The following ATP2C2 variants were observed in gnomAD, a reference collection of about 807,000 sequenced individuals.
The protein encoded by ATP2C2 is calcium-transporting ATPase type 2C member 2.
ATP2C2 carries 171 observed loss-of-function variants against 110.8 expected under a neutral mutation model. The observed-to-expected ratio is 1.54, with a 90% CI of 1.36 to 1.75. The LOEUF (loss-of-function observed/expected upper bound fraction) is 1.75. Ranked by LOEUF, ATP2C2 falls within the 40% of genes most tolerant of loss-of-function variation. The pLI is 0.00. For missense variants in ATP2C2, 1,963 were observed against 1,235.0 expected, an observed-to-expected ratio of 1.59 and a Z score of -8.84; for synonymous variants, 804 against 508.4, an observed-to-expected ratio of 1.58 and a Z score of -7.82.
At chr16:84,446,508 C>G (rs1270408066) in intron 16 of ATP2C2, 78 bp downstream of exon 16, 21 of 1,034,678 alleles carry the variant, frequency 2.0e-5, no homozygotes, top group Non-Finnish European at 2.7e-5. Flanking sequence ...ATGCAGACTT[C>G]AAGGATAATT....
At chr16:84,397,655 C>CAAAGAAAAAAAAAAAAAAAAAAAAAA (rs1905070511) in intron 1 of ATP2C2, among the ~76,000 whole-genome samples, 1 of 63,512 alleles carries the variant, frequency 1.6e-5, no homozygotes, top group Non-Finnish European at 3.5e-5. Flanking sequence ...GCCTGGGTGA[C>CAAAGAAAAAAAAAAAAAAAAAAAAAA]AAAAAAAAAA....
chr16:84,425,270 C>T (rs564633340), intron 10 of ATP2C2, among the ~76,000 whole-genome samples: 18 of 152,174 alleles, frequency 1.2e-4, no homozygotes, highest in Admixed American at 4.6e-4. Flanking sequence ...GTGTGCAGTA[C>T]GTATTTGGTA....
chr16:84,383,787 G>GTT (rs58587781), intron 1 of ATP2C2, among the ~76,000 whole-genome samples: 1,878 of 100,794 alleles, frequency 0.019, 44 homozygotes, highest in Non-Finnish European at 0.022. Context: ...GGTTTTGTTG[G>GTT]TTTTTTTTTT....
Position 84,448,709 on chromosome 16 carries a change from G to C in ATP2C2, c.1660+20G>C. 2 of 1,599,318 alleles carry C rather than the reference G, an allele frequency of 1.3e-6. No homozygotes were observed. The highest frequency in any genetic ancestry group is 1.7e-6 in the Non-Finnish European group (2 of 1,171,770). On this transcript the variant is annotated intron_variant, in intron 17 of 26. Coordinates refer to ENST00000262429, the MANE Select transcript of ATP2C2 (RefSeq NM_014861.4). ...TGCGGGGTCAGTGCCTGTGGTCCCG[G>C]CCCAGAGCTTTAAGCTTGCATGTAA...
intron 20 of ATP2C2, 95 bp from the exon 21 acceptor site, chr16:84,454,723 A>T: frequency 1.5e-6 from 2 of 1,331,396 alleles, no homozygotes; most frequent in Non-Finnish European, 2.0e-6. Context: ...TGCCCTCCAG[A>T]CAGAGGTGTC....
In ATP2C2 at chr16:84,415,581, G is replaced by GACTC; in HGVS notation, c.618_621dup (p.Glu208HisfsTer2). The stretch of plus-strand genomic sequence containing the variant: ...GGAGACCGGATCCCTGCAGACATCC[G>GACTC]ACTCACTGAGGTGAGTGGTTCCAAA... On this transcript the variant is annotated frameshift_variant, in exon 7 of 27. Coordinates refer to ENST00000262429, the MANE Select transcript of ATP2C2 (RefSeq NM_014861.4). LOFTEE classifies it high-confidence loss of function. 6.2e-7 allele frequency: 1 copy of GACTC among 1,613,330 alleles called. No individual in the cohort carries two copies. Among genetic ancestry groups the GACTC allele is most frequent in the Non-Finnish European group, 8.5e-7 (1 of 1,179,534 alleles).
At chr16:84,439,393 C>CTT (rs1399927454) in intron 12 of ATP2C2, 34 bp from the exon 13 acceptor site, 33 of 1,574,148 alleles carry the variant, frequency 2.1e-5, no homozygotes, top group Non-Finnish European at 2.8e-5. Flanking sequence ...AGGATGGCAA[C>CTT]TTCTCTTCTA....
At chr16:84,412,116 T>C (rs917371703) in intron 6 of ATP2C2, among the ~76,000 whole-genome samples, 1 of 152,108 alleles carries the variant, frequency 6.6e-6, no homozygotes, top group African/African-American at 2.4e-5. Flanking sequence ...AGGGCTCAAG[T>C]GATCCTCCTG....
Position 84,442,523 on chromosome 16 carries a change from C to A in ATP2C2, c.1325C>A (p.Ala442Asp), listed in dbSNP as rs369884993. Reference protein sequence around the residue: ...VGKLVEAGCVANNAVIRKNAV... With the variant: ...VGKLVEAGCVDNNAVIRKNAV... ...ATCCCCTTTTAGGCGGGCTGTGTTG[C>A]CAACAATGCGGTCATCAGAAAGAAC... is the stretch of plus-strand genomic sequence containing the variant. Residue 442 changes from alanine (A) to aspartate (D), a missense_variant, in exon 15 of 27, where the codon GCC becomes GAC. Transcript: ENST00000262429. The A allele has an allele frequency of 3.3e-5, 53 of 1,613,924 alleles. 1 individual carries two copies. Among genetic ancestry groups the A allele is most frequent in the Non-Finnish European group, 3.9e-5 (46 of 1,179,946 alleles).
chr16:84,408,321 G>A, intron 3 of ATP2C2, 84 bp from the exon 4 acceptor site: 1 of 1,348,094 alleles, frequency 7.4e-7, no homozygotes, highest in Non-Finnish European at 1.1e-6. Context: ...TGAGACCCCT[G>A]TCACACAAAC....
At chr16:84,375,249 A>C (rs1243264489) in intron 1 of ATP2C2, among the ~76,000 whole-genome samples, 1 of 152,192 alleles carries the variant, frequency 6.6e-6, no homozygotes, top group East Asian at 1.9e-4. Flanking sequence ...AACATGAAAA[A>C]CGTCAAACAC....
At chr16:84,394,728 G>A (rs1457297542) in intron 1 of ATP2C2, among the ~76,000 whole-genome samples, 6 of 152,046 alleles carry the variant, frequency 3.9e-5, no homozygotes, top group African/African-American at 9.7e-5. Context: ...CGATGGACAC[G>A]TCACTCCAGC....
rs758023405 is a variant in ATP2C2, at chr16:84,398,540, G to A, written c.141G>A (p.Lys47=). The change falls in exon 2 of 27, where the codon AAG becomes AAA. Residue 47 remains lysine, a synonymous_variant. Coordinates refer to ENST00000262429, the MANE Select transcript of ATP2C2 (RefSeq NM_014861.4). ...QSELKAIEKE[K]KVTALPPKEA... ...AGCTGAAAGCCATCGAGAAAGAGAA[G>A]AAGGTGACAGCCCTGCCCCCCAAGG... 4 of 1,613,656 alleles carry A rather than the reference G, an allele frequency of 2.5e-6. No homozygotes were observed. The highest frequency in any genetic ancestry group is 3.4e-6 in the Non-Finnish European group (4 of 1,179,866).
intron 14 of ATP2C2, among the ~76,000 whole-genome samples, chr16:84,441,368 G>A (rs796747696): frequency 1.3e-5 from 2 of 152,298 alleles, no homozygotes; most frequent in African/African-American, 2.4e-5. Flanking sequence ...GCCCAGAGAC[G>A]TGCCCGATGA....
At position 84,460,700 on chromosome 16, in the gene ATP2C2, C is replaced by G. The variant is rs368721842; in HGVS notation, c.2380C>G (p.Arg794Gly). ...VDKDAFRQPP[R>G]SVRDTILSRA... is the part of the protein sequence containing the mutation. ...CAAAGACGCCTTCAGGCAGCCACCA[C>G]GGAGTGTGCGGGACACCATCCTCAG... The change falls in exon 24 of 27, where the codon CGG (arginine) becomes GGG (glycine). Residue 794 changes from arginine to glycine, a missense_variant. Physicochemically the swap from Arg to Gly is moderately radical, Grantham distance 125. Transcript: ENST00000262429. 10 of 1,614,090 alleles carry G rather than the reference C, an allele frequency of 6.2e-6. No individual in the cohort carries two copies. Among genetic ancestry groups the G allele is most frequent in the Admixed American group, 1.7e-5 (1 of 60,010 alleles).
chr16:84,388,438 A>C (rs1305933063), intron 1 of ATP2C2, among the ~76,000 whole-genome samples: 1 of 152,224 alleles, frequency 6.6e-6, no homozygotes, highest in Non-Finnish European at 1.5e-5. Flanking sequence ...CTGAGGTAGT[A>C]GGCCCAGGGT....
At chr16:84,421,886 T>G (rs1406210761) in intron 7 of ATP2C2, among the ~76,000 whole-genome samples, 2 of 152,124 alleles carry the variant, frequency 1.3e-5, no homozygotes, top group Non-Finnish European at 2.9e-5. Flanking sequence ...GTGTAGTCAG[T>G]GTTCTGCAAA....
At chr16:84,447,737 TTATA>T (rs1491403134) in intron 16 of ATP2C2, among the ~76,000 whole-genome samples, 1 of 139,326 alleles carries the variant, frequency 7.2e-6, no homozygotes, top group African/African-American at 3.0e-5. Context: ...AATATATTAG[TTATA>T]TATAATATAT....
At chr16:84,419,208 TAAAAAAAAAAAA>T (rs59552270) in intron 7 of ATP2C2, among the ~76,000 whole-genome samples, 1,327 of 47,568 alleles carry the variant, frequency 0.028, 37 homozygotes, top group Middle Eastern at 0.11. Flanking sequence ...ACCCCATCTT[TAAAAAAAAAAAA>T]AAAAAAAAAA....
Sources: gnomAD v4.1 joint callset for allele counts (sites outside exome capture counted in the v4.1 genomes callset) on GRCh38, gnomAD v4.1.1 for gene constraint, MANE v1.5 for transcripts, NCBI Gene and HGNC (gene_info 2026-07-23, HGNC 2026-07-21) for gene names.